The following PTPRM variants were observed in gnomAD, a reference collection of about 807,000 sequenced individuals.
The protein encoded by PTPRM is protein tyrosine phosphatase receptor type M.
PTPRM carries 47 observed loss-of-function variants against 186.7 expected under a neutral mutation model. The observed-to-expected ratio is 0.25, with a 90% confidence interval of 0.20 to 0.32. The LOEUF (loss-of-function observed/expected upper bound fraction) is 0.32. Among genes scored for constraint, PTPRM ranks in the 10% least tolerant of loss-of-function variants. The probability of loss-of-function intolerance (pLI) is 1.00; values close to 1 mark genes in which losing one functional copy is unlikely to be tolerated. For missense variants in PTPRM, 1,494 were observed against 1,865.0 expected, an observed-to-expected ratio of 0.80 and a Z score of 3.66; for synonymous variants, 668 against 674.9, an observed-to-expected ratio of 0.99 and a Z score of 0.16.
chr18:7,773,042 A>C (rs925980664), intron 1 of PTPRM, among the ~76,000 whole-genome samples: 3 of 152,182 alleles, frequency 2.0e-5, no homozygotes, highest in Non-Finnish European at 4.4e-5. Flanking sequence ...CAAAATCATC[A>C]ACGTGCTGAA....
intron 19 of PTPRM, among the ~76,000 whole-genome samples, chr18:8,283,147 C>G (rs1021973020): frequency 1.3e-5 from 2 of 152,074 alleles, no homozygotes; most frequent in Non-Finnish European, 2.9e-5. Flanking sequence ...GATTGGAGAT[C>G]TACACTTAAG....
At chr18:7,660,729 G>A (rs1405835164) in intron 1 of PTPRM, among the ~76,000 whole-genome samples, 4 of 152,154 alleles carry the variant, frequency 2.6e-5, no homozygotes, top group Admixed American at 6.5e-5. Flanking sequence ...CTGGTTTAGC[G>A]TGGCCTTGGC....
chr18:7,643,344 T>C (rs2038488364), intron 1 of PTPRM, among the ~76,000 whole-genome samples: 1 of 152,148 alleles, frequency 6.6e-6, no homozygotes, highest in South Asian at 2.1e-4. Flanking sequence ...TTTTTATTTT[T>C]ATTTATTTAT....
chr18:8,163,683 G>A (rs1415493988), intron 14 of PTPRM, among the ~76,000 whole-genome samples: 1 of 152,236 alleles, frequency 6.6e-6, no homozygotes, highest in East Asian at 1.9e-4. Flanking sequence ...TTCATTATGT[G>A]AAGAGGGTGG....
chr18:8,317,029 C>A (rs2095313349), intron 21 of PTPRM, among the ~76,000 whole-genome samples: 1 of 152,094 alleles, frequency 6.6e-6, no homozygotes, highest in Non-Finnish European at 1.5e-5. Context: ...GGTCATGGGC[C>A]AGGTCAGGTC....
chr18:8,036,587 G>A (rs2086345109), intron 7 of PTPRM, among the ~76,000 whole-genome samples: 1 of 152,200 alleles, frequency 6.6e-6, no homozygotes, highest in South Asian at 2.1e-4. Flanking sequence ...ATGAATTTTT[G>A]TGGACAGAAT....
intron 22 of PTPRM, among the ~76,000 whole-genome samples, chr18:8,323,330 G>A (rs570083401): frequency 3.3e-5 from 5 of 152,182 alleles, no homozygotes; most frequent in African/African-American, 1.2e-4. Flanking sequence ...CTCAGGCCTG[G>A]TGTGGTCTTT....
chr18:7,900,116 C>T (rs1373965268), intron 3 of PTPRM, among the ~76,000 whole-genome samples: 4 of 152,178 alleles, frequency 2.6e-5, no homozygotes, highest in Non-Finnish European at 5.9e-5. Context: ...AAAGTTTTCT[C>T]TAAAAACAGG....
At chr18:8,304,607 TA>T (rs973795467) in intron 20 of PTPRM, among the ~76,000 whole-genome samples, 12 of 152,206 alleles carry the variant, frequency 7.9e-5, no homozygotes, top group Non-Finnish European at 1.5e-4. Context: ...GATTATGATA[TA>T]AACATGAGTT....
In PTPRM at chr18:8,242,033, C is replaced by T. The variant is rs184077168; in HGVS notation, c.2301-2025C>T. The stretch of plus-strand genomic sequence containing the variant: ...AAGAATTTTTCCAGTACAAGCATAG[C>T]TTTTATTGGCACATATATCCCTCCC... On this transcript the variant is annotated intron_variant, in intron 14 of 32. Coordinates refer to ENST00000580170, the MANE Select transcript of PTPRM (RefSeq NM_001105244.2). 4.0e-3 allele frequency among the ~76,000 whole-genome samples: 605 copies of T among 152,202 alleles called. 4 individuals carry two copies. Among genetic ancestry groups the T allele is most frequent in the African/African-American group, 0.014 (569 of 41,552 alleles).
chr18:8,382,206 G>C (rs2095741319), intron 29 of PTPRM, among the ~76,000 whole-genome samples: 1 of 152,294 alleles, frequency 6.6e-6, no homozygotes, highest in Non-Finnish European at 1.5e-5. Context: ...TCACGGACGT[G>C]TTATGCACCA....
intron 1 of PTPRM, among the ~76,000 whole-genome samples, chr18:7,664,213 G>C (rs779517972): frequency 5.8e-4 from 88 of 152,338 alleles, no homozygotes; most frequent in Non-Finnish European, 1.1e-3. Context: ...AGATGAGGCA[G>C]CCCTCACTGT....
At chr18:8,379,403 C>T in intron 28 of PTPRM, 63 bp downstream of exon 28, 1 of 1,458,656 alleles carries the variant, frequency 6.9e-7, no homozygotes, top group South Asian at 1.4e-5. Flanking sequence ...GCAGAACAGG[C>T]TTGGGTCTTC....
At chr18:8,076,710 A>G in intron 9 of PTPRM, 146 bp downstream of exon 9, 2 of 487,124 alleles carry the variant, frequency 4.1e-6, no homozygotes, top group East Asian at 6.9e-5. Context: ...TGTTATATAG[A>G]AGAAAATTGT....
chr18:8,333,142 G>T (rs767944731), intron 22 of PTPRM, among the ~76,000 whole-genome samples: 2 of 152,028 alleles, frequency 1.3e-5, no homozygotes, highest in Non-Finnish European at 2.9e-5. Context: ...ATTTTCTTGG[G>T]ATATTCTTAG....
chr18:8,241,515 A>C (rs2147274628), intron 14 of PTPRM, among the ~76,000 whole-genome samples: 1 of 152,318 alleles, frequency 6.6e-6, no homozygotes, highest in Middle Eastern at 3.4e-3. Context: ...TTTATTTTTA[A>C]ATTTGAATTA....
chr18:7,567,602 C>T lies in PTPRM; in HGVS notation c.-217C>T. Reference sequence around the variant, plus strand: ...CAGCGGCGCCAGACGCCGAGTGGGGCCAGGGACAGGGGAGGAGGACCCAGG... The same window carrying T: ...CAGCGGCGCCAGACGCCGAGTGGGGTCAGGGACAGGGGAGGAGGACCCAGG... On this transcript the variant is annotated 5_prime_UTR_variant, in exon 1 of 33. Coordinates refer to ENST00000580170, the MANE Select transcript of PTPRM (RefSeq NM_001105244.2). This position sits in a 1 kb window ranked among gnomAD's most constrained non-coding sequence, Gnocchi z 4.3. The T allele has an allele frequency of 4.8e-6, 2 of 415,752 alleles. No homozygotes were observed. Among genetic ancestry groups the T allele is most frequent in the Non-Finnish European group, 8.4e-6 (2 of 238,146 alleles). 25.8% of individuals were successfully genotyped at this position (415,752 alleles called of 1,614,324 possible).
intron 1 of PTPRM, among the ~76,000 whole-genome samples, chr18:7,645,046 A>G (rs965849737): frequency 6.6e-6 from 1 of 152,176 alleles, no homozygotes; most frequent in African/African-American, 2.4e-5. Flanking sequence ...ACTGTCATCT[A>G]TTTGAAACAG....
At position 7,567,742 on chromosome 18, in the gene PTPRM, C is replaced by T; in HGVS notation, c.-77C>T. 1.5e-6 allele frequency: 2 copies of T among 1,341,886 alleles called. No individual in the cohort carries two copies. The highest frequency in any genetic ancestry group is 2.0e-6 in the Non-Finnish European group (2 of 1,008,344). 83.1% of individuals were successfully genotyped at this position (1,341,886 alleles called of 1,614,324 possible). A position where few individuals can be genotyped will look rare whatever the true frequency, so the allele number is the denominator to read the frequency against. ...CCCGTCTCTCCTCGCTGCCTCGGAA[C>T]CAAAGCTCCCGGCCCCCTCCGCCCT... is the stretch of plus-strand genomic sequence containing the variant. On this transcript the variant is annotated 5_prime_UTR_variant, in exon 1 of 33. Transcript: ENST00000580170. The surrounding 1 kb of genome is among the most constrained non-coding windows in gnomAD (Gnocchi z 4.3).
Sources: allele counts gnomAD v4.1 joint callset (sites outside exome capture counted in the v4.1 genomes callset), GRCh38; gene constraint gnomAD v4.1.1; non-coding constraint Gnocchi (gnomAD v3.1); transcripts MANE v1.5; gene names NCBI Gene and HGNC (gene_info 2026-07-23, HGNC 2026-07-21).